Variants in STPG2 observed in about 807,000 individuals in gnomAD.
The protein encoded by STPG2 is sperm-tail PG-rich repeat-containing protein 2.
In STPG2, 56 loss-of-function variants were observed where a neutral mutation model predicts 54.2. The observed-to-expected ratio is 1.03, with a 90% CI of 0.83 to 1.29. The LOEUF is 1.29. Among genes scored for constraint, STPG2 ranks in the 50% most tolerant of loss-of-function variants. STPG2 has a pLI of 0.00. For synonymous variants in STPG2, 200 were observed against 181.8 expected, an observed-to-expected ratio of 1.10 and a Z score of -0.81; for missense variants, 596 against 544.9, an observed-to-expected ratio of 1.09 and a Z score of -0.93.
chr4:98,055,500 A>C (rs1737452469), intron 5 of STPG2, among the ~76,000 whole-genome samples: 1 of 152,148 alleles, frequency 6.6e-6, no homozygotes, highest in African/African-American at 2.4e-5. Context: ...GGAATGGGTG[A>C]GTTAAACTGG....
At chr4:97,949,126 A>G (rs750239929) in intron 7 of STPG2, among the ~76,000 whole-genome samples, 18 of 151,996 alleles carry the variant, frequency 1.2e-4, no homozygotes, top group Non-Finnish European at 1.8e-4. Context: ...AAATTATAAT[A>G]TCTTCTCGTT....
At chr4:98,115,850 T>A (rs1224168863) in intron 3 of STPG2, among the ~76,000 whole-genome samples, 1 of 152,032 alleles carries the variant, frequency 6.6e-6, no homozygotes, top group African/African-American at 2.4e-5. Flanking sequence ...CCACGCTATC[T>A]CTAGTTCTCT....
At chr4:97,944,569 A>T (rs889716197) in intron 7 of STPG2, among the ~76,000 whole-genome samples, 1 of 152,072 alleles carries the variant, frequency 6.6e-6, no homozygotes. Flanking sequence ...ATTTTGTCAT[A>T]CAATTTATTT....
At chr4:97,773,996 T>G (rs113274547) in intron 9 of STPG2, among the ~76,000 whole-genome samples, 29 of 123,224 alleles carry the variant, frequency 2.4e-4, no homozygotes, top group African/African-American at 5.9e-4. Flanking sequence ...AAATATAGGG[T>G]GTGTGTGTGT....
At chr4:97,789,375 G>C (rs557350989) in intron 9 of STPG2, among the ~76,000 whole-genome samples, 44 of 152,064 alleles carry the variant, frequency 2.9e-4, no homozygotes, top group African/African-American at 9.6e-4. Context: ...GCAATATGCA[G>C]GTGTTTCATC....
intron 9 of STPG2, among the ~76,000 whole-genome samples, chr4:97,806,539 A>T (rs148831058): frequency 2.6e-4 from 40 of 152,178 alleles, no homozygotes; most frequent in African/African-American, 8.4e-4. Context: ...AATAATAAAT[A>T]AAAAAGCTCT....
intron 10 of STPG2, among the ~76,000 whole-genome samples, chr4:97,627,292 G>A (rs1734159499): frequency 6.6e-6 from 1 of 152,132 alleles, no homozygotes; most frequent in Non-Finnish European, 1.5e-5. Context: ...GATCTTCTAA[G>A]ACTTAATATT....
intron 8 of STPG2, among the ~76,000 whole-genome samples, chr4:97,859,519 C>G (rs1729445977): frequency 6.8e-6 from 1 of 146,770 alleles, no homozygotes; most frequent in Admixed American, 6.9e-5. Flanking sequence ...GCAGGGAGTG[C>G]AGTGGGGCGA....
At chr4:97,816,516 A>G (rs1560539559) in intron 9 of STPG2, among the ~76,000 whole-genome samples, 1 of 152,186 alleles carries the variant, frequency 6.6e-6, no homozygotes, top group Non-Finnish European at 1.5e-5. Flanking sequence ...AAGCATTCCT[A>G]TTTCAGAGAC....
chr4:97,999,066 C>T (rs1306418691), intron 5 of STPG2, among the ~76,000 whole-genome samples: 4 of 151,994 alleles, frequency 2.6e-5, no homozygotes, highest in African/African-American at 7.3e-5. Flanking sequence ...CTTTAGTAAT[C>T]GAACCCTGTC....
At chr4:97,863,497 A>G (rs916499501) in intron 8 of STPG2, among the ~76,000 whole-genome samples, 1 of 152,240 alleles carries the variant, frequency 6.6e-6, no homozygotes, top group Non-Finnish European at 1.5e-5. Context: ...AGATGGATTC[A>G]TAGCCGAATT....
intron 10 of STPG2, among the ~76,000 whole-genome samples, chr4:97,699,985 C>T (rs1723716096): frequency 6.6e-6 from 1 of 152,186 alleles, no homozygotes; most frequent in Non-Finnish European, 1.5e-5. Flanking sequence ...GGTCAGAAAG[C>T]ACCCAGTTAA....
intron 8 of STPG2, among the ~76,000 whole-genome samples, chr4:97,937,480 CG>C (rs1732790950): frequency 6.6e-6 from 1 of 152,080 alleles, no homozygotes. Flanking sequence ...TGAATTTTTG[CG>C]GTTTTTTGTT....
chr4:97,571,391 G>A (rs1405104937), intron 10 of STPG2, among the ~76,000 whole-genome samples: 1 of 152,114 alleles, frequency 6.6e-6, no homozygotes, highest in African/African-American at 2.4e-5. Flanking sequence ...GAAGGGAAGT[G>A]GAGGTCGAAC....
At chr4:97,916,171 A>G (rs1731867168) in intron 8 of STPG2, among the ~76,000 whole-genome samples, 1 of 152,198 alleles carries the variant, frequency 6.6e-6, no homozygotes, top group Non-Finnish European at 1.5e-5. Flanking sequence ...ACAATAAGCT[A>G]TATTATCATA....
At chr4:98,117,683 T>C (rs1163335822) in intron 3 of STPG2, among the ~76,000 whole-genome samples, 1 of 152,038 alleles carries the variant, frequency 6.6e-6, no homozygotes, top group African/African-American at 2.4e-5. Context: ...TGATTCTTTC[T>C]TCAGCCAATT....
At position 98,027,034 on chromosome 4, in the gene STPG2, G is replaced by A. The variant is rs548190384; in HGVS notation, c.613-45716C>T. 1.1e-3 allele frequency among the ~76,000 whole-genome samples: 167 copies of A among 152,284 alleles called. 1 individual carries two copies. The highest frequency in any genetic ancestry group is 1.9e-3 in the Non-Finnish European group (128 of 68,022). Reference sequence around the variant, plus strand: ...AGGTTGTGCCCTCTGGACCACATGAGTCTGTCAAACTTATCAGGCAGATTC... The same window carrying A: ...AGGTTGTGCCCTCTGGACCACATGAATCTGTCAAACTTATCAGGCAGATTC... On this transcript the variant is annotated intron_variant, in intron 5 of 10. Transcript: ENST00000295268.
intron 4 of STPG2, among the ~76,000 whole-genome samples, chr4:97,451,101 T>C (rs1471368276): frequency 6.6e-5 from 10 of 152,054 alleles, no homozygotes; most frequent in Non-Finnish European, 1.2e-4. Flanking sequence ...TGAGAGATTA[T>C]AGAATAAGAG....
intron 4 of STPG2, among the ~76,000 whole-genome samples, chr4:97,512,809 C>T (rs754382550): frequency 2.6e-5 from 4 of 152,034 alleles, no homozygotes; most frequent in African/African-American, 4.8e-5. Flanking sequence ...TATACTCTCA[C>T]AATACAGAAT....
Sources: allele counts gnomAD v4.1 joint callset (sites outside exome capture counted in the v4.1 genomes callset), GRCh38; gene constraint gnomAD v4.1.1; transcripts MANE v1.5; gene names NCBI Gene and HGNC (gene_info 2026-07-23, HGNC 2026-07-21).